The following CUL4B variants were observed in gnomAD, a reference collection of about 807,000 sequenced individuals.
The protein encoded by CUL4B is cullin-4B.
In CUL4B, 1 loss-of-function variant was observed where a neutral mutation model predicts 69.2. The observed-to-expected ratio is 0.01, with a 90% confidence interval of 0.01 to 0.07. The LOEUF is 0.07. CUL4B is among the 10% of genes least tolerant of loss of function. The pLI, the probability that CUL4B is intolerant of heterozygous loss-of-function variation, is 1.00. For synonymous variants in CUL4B, 237 were observed against 223.2 expected (o/e 1.06, Z -0.55); for missense variants, 328 against 638.8 (o/e 0.51, Z 5.24).
chrX:120,541,535 G>C (rs1923993299), intron 10 of CUL4B, 67 bp downstream of exon 10: 1 of 740,120 alleles, frequency 1.4e-6, no homozygotes, highest in Non-Finnish European at 2.1e-6. Context: ...AGAAATGCTT[G>C]CCAATATGCA....
rs780015369 is a variant in CUL4B, at chrX:120,541,640, C to T, written c.1405G>A (p.Val469Ile). Residue 469 changes from valine to isoleucine, a missense_variant, in exon 10 of 20, where the codon GTT becomes ATT. By Grantham distance (29) the Val-to-Ile change is conservative. Around this residue, in one of 4 missense-constraint regions of CUL4B, gnomAD observed 126 missense variants for 202.5 expected, o/e 0.62. Transcript: ENST00000371322. Reference protein sequence around the residue: ...YQLFSRVRGGVQVLLQQWIEY... With the variant: ...YQLFSRVRGGIQVLLQQWIEY... ...ATCCACTGCTGCAAAAGAACCTGAA[C>T]TCCACCTCGAACTCTACTGAAGAGC... 1.7e-6 allele frequency: 2 copies of T among 1,207,735 alleles called. No homozygotes were observed. Among genetic ancestry groups the T allele is most frequent in the Non-Finnish European group, 2.2e-6 (2 of 891,783 alleles).
intron 2 of CUL4B, among the ~76,000 whole-genome samples, chrX:120,554,738 G>C (rs1197774229): frequency 1.8e-5 from 2 of 111,966 alleles, no homozygotes; most frequent in African/African-American, 6.5e-5. Context: ...CAGGGGTTTG[G>C]AGAACTTTTG....
Position 120,560,178 on chromosome X carries a change from T to G in CUL4B, c.461A>C (p.His154Pro). 8.3e-7 allele frequency: 1 copy of G among 1,211,948 alleles called. No individual in the cohort carries two copies. Among genetic ancestry groups the G allele is most frequent in the Non-Finnish European group, 1.1e-6 (1 of 895,514 alleles). Reference sequence around the variant, plus strand: ...AGAAGATTTGGCTAGGCCGTTTGCATGATGCACCGAAGCCACAGAAGAGAT... The same window carrying G: ...AGAAGATTTGGCTAGGCCGTTTGCAGGATGCACCGAAGCCACAGAAGAGAT... ...ILISSVASVH[H>P]ANGLAKSSTT... Residue 154 changes from histidine to proline, a missense_variant, in exon 1 of 20, where the codon CAT becomes CCT. Around this residue, in one of 4 missense-constraint regions of CUL4B, gnomAD observed 102 missense variants for 122.1 expected, o/e 0.84. Coordinates refer to ENST00000371322, the MANE Select transcript of CUL4B (RefSeq NM_001079872.2).
chrX:120,546,401 A>G (rs929068080), intron 4 of CUL4B, 146 bp downstream of exon 4: 1 of 419,441 alleles, frequency 2.4e-6, no homozygotes, highest in African/African-American at 2.5e-5. Flanking sequence ...ATAAATTTTT[A>G]AAAAAAGAAA....
At chrX:120,531,461 GTTT>G (rs1157112180) in intron 18 of CUL4B, among the ~76,000 whole-genome samples, 2 of 102,478 alleles carry the variant, frequency 2.0e-5, no homozygotes, top group Admixed American at 2.1e-4. Flanking sequence ...CCCTGTTTTT[GTTT>G]TTTTTTTCTT....
chrX:120,554,590 A>C (rs998098670), intron 2 of CUL4B, among the ~76,000 whole-genome samples: 1 of 112,353 alleles, frequency 8.9e-6, no homozygotes, highest in East Asian at 2.8e-4. Flanking sequence ...AGAAATTAAA[A>C]ACTTAGTAGG....
chrX:120,557,921 T>C lies in CUL4B; in HGVS notation c.672+3A>G, dbSNP rs375713516. ...AAATCTGGTTATGCATATTAATACA[T>C]ACCTGGTAGAGTTCTTCTAAATTGT... is the stretch of plus-strand genomic sequence containing the variant. On this transcript the variant is annotated splice_donor_region_variant and intron_variant, in intron 2 of 19. Coordinates refer to ENST00000371322, the MANE Select transcript of CUL4B (RefSeq NM_001079872.2). 6 of 1,113,138 alleles carry C rather than the reference T, an allele frequency of 5.4e-6. No homozygotes were observed. The African/African-American group carries it at 9.0e-5, about 17-fold the overall frequency. 91.7% of individuals were successfully genotyped at this position (1,113,138 alleles called of 1,213,427 possible).
intron 13 of CUL4B, 182 bp downstream of exon 13, chrX:120,538,477 TA>T (rs765203891): frequency 4.1e-5 from 17 of 409,652 alleles, no homozygotes; most frequent in Middle Eastern, 6.2e-4. Context: ...TGCTTTATCT[TA>T]AAAAAAACAA....
intron 14 of CUL4B, among the ~76,000 whole-genome samples, chrX:120,537,786 TCTC>T (rs1166310255): frequency 1.6e-4 from 18 of 111,505 alleles, no homozygotes; most frequent in Non-Finnish European, 1.7e-4. Flanking sequence ...CATTATCACT[TCTC>T]CTCTCTCCCC....
chrX:120,574,689 GT>G, intron 1 of CUL4B: 1 of 861,556 alleles, frequency 1.2e-6, no homozygotes, highest in East Asian at 3.1e-5. Flanking sequence ...TCTGTATAGT[GT>G]TATGAATTCA....
intron 2 of CUL4B, among the ~76,000 whole-genome samples, chrX:120,572,464 C>CAAAAA (rs66749436): frequency 4.4e-4 from 22 of 50,311 alleles, no homozygotes; most frequent in East Asian, 6.5e-4. Context: ...CAAAACTCCT[C>CAAAAA]AAAAAAAAAA....
Position 120,560,927 on chromosome X carries a change from C to G in CUL4B, c.-289G>C. ...CCCCCTCCCCTGCTTTTCGATCTCT[C>G]TCCCCCCCTTTCTGCAGGAGCGACT... On this transcript the variant is annotated 5_prime_UTR_variant, in exon 1 of 20. Transcript: ENST00000371322. 2 of 753,344 alleles carry G rather than the reference C, an allele frequency of 2.7e-6. No individual in the cohort carries two copies. The highest frequency in any genetic ancestry group is 3.1e-6 in the Non-Finnish European group (2 of 638,915). The allele number at this position is 753,344 out of a possible 1,213,427, so 62.1% of individuals were successfully genotyped here. A position where few individuals can be genotyped will look rare whatever the true frequency, so the allele number is the denominator to read the frequency against.
At chrX:120,529,319 A>G (rs1923180125) in intron 19 of CUL4B, among the ~76,000 whole-genome samples, 2 of 111,943 alleles carry the variant, frequency 1.8e-5, no homozygotes, top group Non-Finnish European at 3.8e-5. Flanking sequence ...AGATTTTTAC[A>G]TTCATGATCT....
At chrX:120,566,387 A>G (rs771398977), upstream of CUL4B, among the ~76,000 whole-genome samples, 243 of 68,766 alleles carry the variant, frequency 3.5e-3, 9 homozygotes, top group African/African-American at 0.011. Flanking sequence ...ATATATATAT[A>G]TATGTATATA....
intron 2 of CUL4B, chrX:120,574,501 T>G (rs371983788): frequency 7.4e-6 from 8 of 1,085,237 alleles, no homozygotes; most frequent in Non-Finnish European, 1.0e-5. Flanking sequence ...CCCGGCCTGT[T>G]AACAATTATT....
intron 2 of CUL4B, among the ~76,000 whole-genome samples, chrX:120,556,271 G>A (rs1372827716): frequency 1.8e-5 from 2 of 111,397 alleles, no homozygotes; most frequent in African/African-American, 6.5e-5. Context: ...AATGTTACAC[G>A]GCATTATTAC....
At chrX:120,559,546 A>G (rs1267042651) in intron 1 of CUL4B, among the ~76,000 whole-genome samples, 1 of 112,585 alleles carries the variant, frequency 8.9e-6, no homozygotes, top group Admixed American at 9.4e-5. Context: ...CTTTGGAAAG[A>G]AATGCAGAGA....
intron 9 of CUL4B, among the ~76,000 whole-genome samples, chrX:120,541,957 G>A (rs1602577407): frequency 9.0e-6 from 1 of 110,668 alleles, no homozygotes; most frequent in South Asian, 3.9e-4. Flanking sequence ...GGCCAGGCAC[G>A]GTGGCTCACA....
rs1925242558 is a variant in CUL4B at position 120,560,749 on chromosome X, G to A, written c.-111C>T. 8.9e-6 allele frequency: 8 copies of A among 902,137 alleles called. No homozygotes were observed. The highest frequency in any genetic ancestry group is 1.1e-5 in the Non-Finnish European group (8 of 713,442). 74.3% of individuals were successfully genotyped at this position (902,137 alleles called of 1,213,427 possible). ...TAGAGGGGGAAGGGAAGAAAGAAGA[G>A]AGGAGAAACACAGAGGACGAGAAGG... is the stretch of plus-strand genomic sequence containing the variant. On this transcript the variant is annotated 5_prime_UTR_variant, in exon 1 of 20. Coordinates refer to ENST00000371322, the MANE Select transcript of CUL4B (RefSeq NM_001079872.2).
Sources: gnomAD v4.1 joint callset for allele counts (sites outside exome capture counted in the v4.1 genomes callset) on GRCh38, gnomAD v4.1.1 for gene constraint, gnomAD v4.1.1 regional missense constraint, MANE v1.5 for transcripts, NCBI Gene and HGNC (gene_info 2026-07-23, HGNC 2026-07-21) for gene names.